The following SPTB variants were observed in gnomAD, a reference collection of about 807,000 sequenced individuals.
SPTB encodes the protein spectrin beta, erythrocytic.
A neutral mutation model predicts 256.2 loss-of-function variants in SPTB; 45 were observed. That is an observed-to-expected ratio of 0.18 (90% CI 0.14 to 0.23). The LOEUF (loss-of-function observed/expected upper bound fraction) is 0.23, where lower values mean the gene tolerates loss of function less well. Ranked by LOEUF, SPTB falls within the 10% of genes least tolerant of loss-of-function variation. SPTB has a pLI of 1.00. For missense variants in SPTB, 2,715 were observed against 3,040.4 expected (o/e 0.89, Z 2.52); for synonymous variants, 1,231 against 1,243.1 (o/e 0.99, Z 0.21).
intron 1 of SPTB, among the ~76,000 whole-genome samples, chr14:64,855,302 C>T (rs2083853983): frequency 6.6e-6 from 1 of 152,194 alleles, no homozygotes; most frequent in East Asian, 1.9e-4. Context: ...GGTGGATCAA[C>T]AGAGGACACC....
chr14:64,753,589 A>T lies in SPTB; in HGVS notation c.6550T>A (p.Tyr2184Asn), dbSNP rs2081981326. The T allele has an allele frequency of 6.2e-7, 1 of 1,613,426 alleles. No homozygotes were observed. Among genetic ancestry groups the T allele is most frequent in the Admixed American group, 1.7e-5 (1 of 60,008 alleles). ...DHGQSVQMEG[Y>N]LGRKHDLEGP... Reference sequence around the variant, plus strand: ...TCCAGGTCATGCTTGCGGCCCAGGTAGCCTTCCATCTGCACACTCTGCCCA... The same window carrying T: ...TCCAGGTCATGCTTGCGGCCCAGGTTGCCTTCCATCTGCACACTCTGCCCA... The change falls in exon 33 of 36, where the codon TAC becomes AAC. Residue 2184 changes from tyrosine to asparagine, a missense_variant. Around this residue, in one of 4 missense-constraint regions of SPTB, gnomAD observed 2,239 missense variants for 2,384.4 expected, o/e 0.94. Coordinates refer to ENST00000644917, the MANE Select transcript of SPTB (RefSeq NM_001355436.2).
intron 29 of SPTB, 103 bp downstream of exon 29, chr14:64,768,931 C>T (rs1450766654): frequency 1.0e-6 from 1 of 980,638 alleles, no homozygotes; most frequent in African/African-American, 1.6e-5. Flanking sequence ...GGGGGCTCCT[C>T]TCTAGGCAGT....
chr14:64,785,701 AC>A lies in SPTB; in HGVS notation c.3764+47del. The A allele has an allele frequency of 6.2e-7, 1 of 1,613,084 alleles. No individual in the cohort carries two copies. On this transcript the variant is annotated intron_variant, in intron 17 of 35. Coordinates refer to ENST00000644917, the MANE Select transcript of SPTB (RefSeq NM_001355436.2). This position sits in a 1 kb window ranked among gnomAD's most constrained non-coding sequence, Gnocchi z 4.4. ...CCTCACCAAGCTTGGGGTCCTCACTACCCCCGTGTGGCTCTGGGGGCCTCGT... is the reference window on the plus strand; with the variant it reads ...CCTCACCAAGCTTGGGGTCCTCACTACCCCGTGTGGCTCTGGGGGCCTCGT...
intron 1 of SPTB, among the ~76,000 whole-genome samples, chr14:64,830,361 A>ATTATTATTATTATTT (rs1208925456): frequency 3.7e-5 from 5 of 134,522 alleles, no homozygotes; most frequent in Non-Finnish European, 6.1e-5. Flanking sequence ...TATTATTATT[A>ATTATTATTATTATTT]TTATTATTAT....
rs2139705733 is a variant in SPTB, at chr14:64,824,207, G to A, written c.-51-1062C>T. 6.6e-6 allele frequency among the ~76,000 whole-genome samples: 1 copy of A among 152,202 alleles called. No homozygotes were observed. Among genetic ancestry groups the A allele is most frequent in the South Asian group, 2.1e-4 (1 of 4,812 alleles). On this transcript the variant is annotated intron_variant, in intron 1 of 35. Coordinates refer to ENST00000644917, the MANE Select transcript of SPTB (RefSeq NM_001355436.2). The surrounding 1 kb of genome is among the most constrained non-coding windows in gnomAD (Gnocchi z 5.7). ...CTTAGGTGGGGACTCGGCGGGGACT[G>A]GTATCAGGGAGGGGAAGTTGAAGCT...
chr14:64,782,412 C>T lies in SPTB; in HGVS notation c.4144G>A (p.Asp1382Asn), dbSNP rs746513424. ...TCAGCATGGGTCTGCAAGCGCAGGT[C>T]GGAGCTCCTGGCAGCCGAGAGGTGC... ...TQHLSAARSS[D>N]LRLQTHADLN... The change falls in exon 20 of 36, where the codon GAC becomes AAC. Residue 1382 changes from aspartate to asparagine, a missense_variant. Asp to Asn is a conservative substitution (Grantham distance 23). Around this residue, in one of 4 missense-constraint regions of SPTB, gnomAD observed 2,239 missense variants for 2,384.4 expected, o/e 0.94. Coordinates refer to ENST00000644917, the MANE Select transcript of SPTB (RefSeq NM_001355436.2). The T allele has an allele frequency of 8.1e-6, 13 of 1,614,042 alleles. No homozygotes were observed. The highest frequency in any genetic ancestry group is 1.6e-4 in the Middle Eastern group (1 of 6,084).
intron 2 of SPTB, 81 bp downstream of exon 2, chr14:64,822,866 G>A: frequency 6.3e-7 from 1 of 1,587,808 alleles, no homozygotes; most frequent in Non-Finnish European, 8.6e-7. Flanking sequence ...AACACACACA[G>A]AGGATTCACA....
In SPTB at chr14:64,774,434, G is replaced by T; in HGVS notation, c.4936C>A (p.Arg1646=). 2 of 1,575,476 alleles carry T rather than the reference G, an allele frequency of 1.3e-6. No homozygotes were observed. The stretch of plus-strand genomic sequence containing the variant: ...CCTGCAGACAGCAGGCCCTGGGCCC[G>T]GCTGGCCAGCTGCTTGATGTTCCGG... ...YGRNIKQLAS[R]AQGLLSAGHP... is the part of the protein sequence containing the mutation. Residue 1646 remains arginine (R), a synonymous_variant, in exon 24 of 36, where the codon CGG becomes AGG. Transcript: ENST00000644917.
chr14:64,874,425 C>T (rs1441882644), intron 1 of SPTB, among the ~76,000 whole-genome samples: 1 of 152,196 alleles, frequency 6.6e-6, no homozygotes, highest in Non-Finnish European at 1.5e-5. Context: ...GTGTAAGACA[C>T]GTGGTAGACA....
rs202153194 is a variant in SPTB, at chr14:64,796,947, AC to A, written c.1183-233del. Among the ~76,000 whole-genome samples the A allele has an allele frequency of 7.5e-3, 1,134 of 152,066 alleles. 7 individuals carry two copies. Among genetic ancestry groups the A allele is most frequent in the South Asian group, 0.014 (66 of 4,798 alleles). ...GAGTCTCACTTCCCTCTTCCCCTAA[AC>A]CTGCCTCAGACTCTTGGCCCAAAAT... On this transcript the variant is annotated intron_variant, in intron 10 of 35. Transcript: ENST00000644917. This position sits in a 1 kb window ranked among gnomAD's most constrained non-coding sequence, Gnocchi z 4.1.
At position 64,772,694 on chromosome 14, in the gene SPTB, G is replaced by A. The variant is rs774241447; in HGVS notation, c.5439C>T (p.Ile1813=). 19 of 1,613,716 alleles carry A rather than the reference G, an allele frequency of 1.2e-5. No homozygotes were observed. The highest frequency in any genetic ancestry group is 6.7e-5 in the East Asian group (3 of 44,890). The part of the protein sequence containing the change: ...FYTGAEILGL[I]DEKHRELPED... ...CGGGCAGCTCGCGGTGCTTCTCGTC[G>A]ATGAGGCCCAGGATCTCGGCACCCG... The change falls in exon 26 of 36, where the codon ATC becomes ATT. Residue 1813 remains isoleucine (I), a synonymous_variant. Transcript: ENST00000644917. This position sits in a 1 kb window ranked among gnomAD's most constrained non-coding sequence, Gnocchi z 5.4.
Position 64,823,469 on chromosome 14 carries a change from G to T in SPTB, c.-51-324C>A, listed in dbSNP as rs912502214. Among the ~76,000 whole-genome samples, 1 of 152,188 alleles carries T rather than the reference G, an allele frequency of 6.6e-6. No individual in the cohort carries two copies. Among genetic ancestry groups the T allele is most frequent in the African/African-American group, 2.4e-5 (1 of 41,432 alleles). ...CGCCCCGCCGCGGGGAGCACCCCGGGAGAGAGGAAGCTCTCCTGGGAGCCA... is the reference window on the plus strand; with the variant it reads ...CGCCCCGCCGCGGGGAGCACCCCGGTAGAGAGGAAGCTCTCCTGGGAGCCA... On this transcript the variant is annotated intron_variant, in intron 1 of 35. Transcript: ENST00000644917. The surrounding 1 kb of genome is among the most constrained non-coding windows in gnomAD (Gnocchi z 6.5).
In SPTB at chr14:64,773,309, G is replaced by A. The variant is rs763298902; in HGVS notation, c.5089C>T (p.Arg1697Trp). 21 of 1,614,058 alleles carry A rather than the reference G, an allele frequency of 1.3e-5. No individual in the cohort carries two copies. The highest frequency in any genetic ancestry group is 2.2e-5 in the South Asian group (2 of 91,082). ...CACTGCTCCAGGTCGTCGGTCTCCC[G>A]CTTGAGCTGGAACAGGTGGTACATG... ...ENMYHLFQLK[R>W]ETDDLEQWIS... Residue 1697 changes from arginine to tryptophan, a missense_variant, in exon 25 of 36, where the codon CGG becomes TGG. Coordinates refer to ENST00000644917, the MANE Select transcript of SPTB (RefSeq NM_001355436.2).
Position 64,796,776 on chromosome 14 carries a change from T to C in SPTB, c.1183-61A>G. ...AGGAGAAATGCCTCACTTTGGGGGCTCCACCCCTTTCACCCAACACTGAGT... is the reference window on the plus strand; with the variant it reads ...AGGAGAAATGCCTCACTTTGGGGGCCCCACCCCTTTCACCCAACACTGAGT... On this transcript the variant is annotated intron_variant, in intron 10 of 35. Transcript: ENST00000644917. This position sits in a 1 kb window ranked among gnomAD's most constrained non-coding sequence, Gnocchi z 4.1. The C allele has an allele frequency of 6.2e-7, 1 of 1,602,714 alleles. No individual in the cohort carries two copies. Among genetic ancestry groups the C allele is most frequent in the African/African-American group, 1.3e-5 (1 of 74,878 alleles).
chr14:64,806,137 A>G lies in SPTB; in HGVS notation c.149-1047T>C, dbSNP rs1030651506. Among the ~76,000 whole-genome samples, 1 of 152,166 alleles carries G rather than the reference A, an allele frequency of 6.6e-6. No individual in the cohort carries two copies. Among genetic ancestry groups the G allele is most frequent in the Non-Finnish European group, 1.5e-5 (1 of 68,034 alleles). On this transcript the variant is annotated intron_variant, in intron 2 of 35. Coordinates refer to ENST00000644917, the MANE Select transcript of SPTB (RefSeq NM_001355436.2). This position sits in a 1 kb window ranked among gnomAD's most constrained non-coding sequence, Gnocchi z 4.1. The stretch of plus-strand genomic sequence containing the variant: ...CAGAAGACTGGGATGGCACAAAAAA[A>G]AGAGAGAGAAAAGGATAGAGGAGGG...
At position 64,795,364 on chromosome 14, in the gene SPTB, G is replaced by C. The variant is rs758196795; in HGVS notation, c.1617C>G (p.His539Gln). 8 of 1,612,470 alleles carry C rather than the reference G, an allele frequency of 5.0e-6. No individual in the cohort carries two copies. In the South Asian group the frequency reaches 8.8e-5, roughly 18 times the overall value. ...ALQKLFQDML[H>Q]SIDWMDEIKA... ...TGATCTCATCCATCCAGTCGATGCT[G>C]TGCAGCATGTCCTGGAAGAGCTTCT... The change falls in exon 12 of 36, where the codon CAC (histidine) becomes CAG (glutamine). Residue 539 changes from histidine (H) to glutamine (Q), a missense_variant. By Grantham distance (24) the His-to-Gln change is conservative. This residue lies in a region of SPTB where 2,239 missense variants were observed against 2,384.4 expected (regional missense o/e 0.94). Coordinates refer to ENST00000644917, the MANE Select transcript of SPTB (RefSeq NM_001355436.2). The surrounding 1 kb of genome is among the most constrained non-coding windows in gnomAD (Gnocchi z 6.5).
At chr14:64,799,310 G>A (rs1210529950) in intron 9 of SPTB, among the ~76,000 whole-genome samples, 2 of 152,196 alleles carry the variant, frequency 1.3e-5, no homozygotes, top group Non-Finnish European at 2.9e-5. Flanking sequence ...AGCAGTGACA[G>A]ATGGGAGAGA....
At chr14:64,781,459 A>G (rs1339549536) in intron 20 of SPTB, among the ~76,000 whole-genome samples, 1 of 152,220 alleles carries the variant, frequency 6.6e-6, no homozygotes, top group Non-Finnish European at 1.5e-5. Flanking sequence ...ACAATATATG[A>G]AAAAAAGCTT....
chr14:64,819,788 T>C (rs901509193), intron 2 of SPTB, among the ~76,000 whole-genome samples: 2 of 152,076 alleles, frequency 1.3e-5, no homozygotes, highest in African/African-American at 2.4e-5. Flanking sequence ...ATGTCTGAAG[T>C]TGGGAAAAGA....
Sources: gnomAD v4.1 joint callset for allele counts (sites outside exome capture counted in the v4.1 genomes callset) on GRCh38, gnomAD v4.1.1 for gene constraint, gnomAD v4.1.1 regional missense constraint, Gnocchi (gnomAD v3.1) non-coding constraint, MANE v1.5 for transcripts, NCBI Gene and HGNC (gene_info 2026-07-23, HGNC 2026-07-21) for gene names.